The following SPECC1 variants were observed in gnomAD, a reference collection of about 807,000 sequenced individuals.
The protein encoded by SPECC1 is sperm antigen with calponin homology and coiled-coil domains 1, also known as cytospin-B.
In SPECC1, 62 loss-of-function variants were observed where a neutral mutation model predicts 104.1. The ratio of observed to expected loss-of-function variants is 0.60; its 90% CI spans 0.49 to 0.74. The LOEUF (loss-of-function observed/expected upper bound fraction) is 0.74, where lower values mean the gene tolerates loss of function less well. Ranked by LOEUF, SPECC1 falls within the 30% of genes least tolerant of loss-of-function variation. The pLI, the probability that SPECC1 is intolerant of heterozygous loss-of-function variation, is 0.00. For missense variants in SPECC1, 1,306 were observed against 1,310.5 expected (o/e 1.00, Z 0.05); for synonymous variants, 513 against 501.6 (o/e 1.02, Z -0.30).
intron 12 of SPECC1, among the ~76,000 whole-genome samples, chr17:20,284,672 T>C (rs1463754312): frequency 1.3e-5 from 2 of 152,238 alleles, no homozygotes; most frequent in Non-Finnish European, 2.9e-5. Flanking sequence ...CATGCTGAGC[T>C]CCAGTGAGGA....
intron 1 of SPECC1, among the ~76,000 whole-genome samples, chr17:20,048,424 C>T (rs997789648): frequency 3.3e-5 from 5 of 151,948 alleles, no homozygotes; most frequent in Admixed American, 6.5e-5. Flanking sequence ...TGAGCCACTG[C>T]GCCCAGCCGA....
intron 12 of SPECC1, among the ~76,000 whole-genome samples, chr17:20,277,022 G>C (rs1285582177): frequency 6.6e-6 from 1 of 152,252 alleles, no homozygotes; most frequent in African/African-American, 2.4e-5. Context: ...CAAAGACCTG[G>C]AGCAGATCTG....
chr17:20,176,434 C>A (rs905971796), intron 3 of SPECC1, among the ~76,000 whole-genome samples: 8 of 152,188 alleles, frequency 5.3e-5, no homozygotes, highest in African/African-American at 1.9e-4. Flanking sequence ...TCCCACTACC[C>A]TTCTTGCCTT....
intron 1 of SPECC1, among the ~76,000 whole-genome samples, chr17:20,093,967 G>A (rs2047528373): frequency 6.6e-6 from 1 of 152,014 alleles, no homozygotes; most frequent in South Asian, 2.1e-4. Flanking sequence ...CTGAGCACAG[G>A]CAGTCCATCC....
chr17:20,153,839 T>A (rs2032227660), intron 3 of SPECC1, among the ~76,000 whole-genome samples: 1 of 152,250 alleles, frequency 6.6e-6, no homozygotes, highest in Non-Finnish European at 1.5e-5. Context: ...TGGAACTATT[T>A]GGGGAAGTCG....
intron 12 of SPECC1, among the ~76,000 whole-genome samples, chr17:20,262,583 C>T (rs1167619873): frequency 6.6e-6 from 1 of 151,994 alleles, no homozygotes; most frequent in Non-Finnish European, 1.5e-5. Flanking sequence ...AAATAGATAC[C>T]CTCTTTAAAA....
chr17:20,303,416 C>T (rs2041656835), intron 13 of SPECC1, among the ~76,000 whole-genome samples: 1 of 152,146 alleles, frequency 6.6e-6, no homozygotes, highest in African/African-American at 2.4e-5. Context: ...AGGATCACCA[C>T]AGATCAACAG....
intron 3 of SPECC1, among the ~76,000 whole-genome samples, chr17:20,111,653 G>T (rs527626298): frequency 6.6e-6 from 1 of 152,114 alleles, no homozygotes; most frequent in Non-Finnish European, 1.5e-5. Context: ...GCCGAGTCCC[G>T]GGTGTGGGAC....
intron 7 of SPECC1, among the ~76,000 whole-genome samples, chr17:20,235,929 T>G (rs949045265): frequency 6.6e-6 from 1 of 152,234 alleles, no homozygotes; most frequent in African/African-American, 2.4e-5. Context: ...TGGAATTGGC[T>G]TAACTCCATG....
intron 12 of SPECC1, among the ~76,000 whole-genome samples, chr17:20,282,119 G>A (rs1275844601): frequency 6.6e-6 from 1 of 152,268 alleles, no homozygotes; most frequent in Non-Finnish European, 1.5e-5. Flanking sequence ...CAATGCCAAA[G>A]CCAGTTAACC....
chr17:20,101,984 A>G (rs1362880270), intron 2 of SPECC1, among the ~76,000 whole-genome samples: 4 of 152,316 alleles, frequency 2.6e-5, no homozygotes, highest in Non-Finnish European at 4.4e-5. Context: ...TTCCTTTTAT[A>G]TACTTTCTTA....
intron 14 of SPECC1, 59 bp from the exon 15 acceptor site, chr17:20,313,916 AG>A: frequency 6.6e-7 from 1 of 1,518,640 alleles, no homozygotes; most frequent in South Asian, 1.2e-5. Flanking sequence ...GAAGTCCTTG[AG>A]GGGAAGGGGT....
At chr17:20,313,830 C>T in intron 14 of SPECC1, 146 bp from the exon 15 acceptor site, 1 of 675,898 alleles carries the variant, frequency 1.5e-6, no homozygotes, top group South Asian at 1.9e-5. Flanking sequence ...TCGCTTTCAG[C>T]ACCACCTGTG....
intron 1 of SPECC1, among the ~76,000 whole-genome samples, chr17:20,063,957 C>T (rs942088470): frequency 2.0e-5 from 3 of 152,166 alleles, no homozygotes; most frequent in Admixed American, 6.5e-5. Flanking sequence ...CAAATGGCCT[C>T]AGGGCAGTTC....
chr17:20,152,452 A>G (rs7222987), intron 3 of SPECC1, among the ~76,000 whole-genome samples: 86,887 of 152,024 alleles, frequency 0.57, 25,462 homozygotes, highest in Middle Eastern at 0.62. Context: ...ACTCTGCTTC[A>G]GCTGCCATAA....
At chr17:20,263,319 T>TGTTCATGGCA (rs1030293066) in intron 12 of SPECC1, among the ~76,000 whole-genome samples, 1 of 135,776 alleles carries the variant, frequency 7.4e-6, no homozygotes, top group African/African-American at 2.8e-5. Flanking sequence ...AGTTGAACAA[T>TGTTCATGGCA]GTGAACACTT....
chr17:20,262,170 C>A (rs2040049891), intron 12 of SPECC1, among the ~76,000 whole-genome samples: 1 of 152,158 alleles, frequency 6.6e-6, no homozygotes, highest in Non-Finnish European at 1.5e-5. Context: ...CATTTAGTAA[C>A]CCATTGTAGG....
Position 20,317,259 on chromosome 17 carries a change from A to ATTTTTTTTTTTTTTTTTTTTTTTTTTTTT in SPECC1, c.*3215_*3216insTTTTTTTTTTTTTTTTTTTTTTTTTTTTT, listed in dbSNP as rs762643888. On this transcript the variant is annotated 3_prime_UTR_variant, in exon 15 of 15. Transcript: ENST00000395527. ...GCAAGACCTCTGACTCTATAAAAAA[A>ATTTTTTTTTTTTTTTTTTTTTTTTTTTTT]TTTTTTTTTTTTTTTTTTTTTGAGA... 2.9e-5 allele frequency: 2 copies of ATTTTTTTTTTTTTTTTTTTTTTTTTTTTT among 69,508 alleles called. No individual in the cohort carries two copies. The highest frequency in any genetic ancestry group is 4.7e-5 in the Non-Finnish European group (2 of 42,606). The allele number at this position is 69,508 out of a possible 1,614,324, so 4.3% of individuals were successfully genotyped here.
intron 1 of SPECC1, among the ~76,000 whole-genome samples, chr17:20,054,237 G>C (rs2045878832): frequency 6.6e-6 from 1 of 152,188 alleles, no homozygotes; most frequent in African/African-American, 2.4e-5. Context: ...CCATTGACTA[G>C]AGTTAATCAA....
Sources: allele counts gnomAD v4.1 joint callset (sites outside exome capture counted in the v4.1 genomes callset), GRCh38; gene constraint gnomAD v4.1.1; transcripts MANE v1.5; gene names NCBI Gene and HGNC (gene_info 2026-07-23, HGNC 2026-07-21).